SMOC2: variants seen among roughly 807,000 people sequenced by gnomAD.
The protein encoded by SMOC2 is SPARC related modular calcium binding 2.
A neutral mutation model predicts 61.4 loss-of-function variants in SMOC2; 39 were observed. The observed-to-expected ratio is 0.64, with a 90% CI of 0.49 to 0.83. The LOEUF is 0.83. SMOC2 is among the 40% of genes least tolerant of loss of function. The pLI is 0.00. For missense variants in SMOC2, 556 were observed against 592.9 expected, an observed-to-expected ratio of 0.94 and a Z score of 0.65; for synonymous variants, 247 against 239.9, an observed-to-expected ratio of 1.03 and a Z score of -0.27.
intron 8 of SMOC2, among the ~76,000 whole-genome samples, chr6:168,605,605 G>A (rs1785666383): frequency 6.6e-6 from 1 of 152,116 alleles, no homozygotes; most frequent in Non-Finnish European, 1.5e-5. Context: ...GATAGGATTT[G>A]CAACATACCT....
intron 9 of SMOC2, among the ~76,000 whole-genome samples, chr6:168,611,172 G>A (rs906780104): frequency 2.6e-5 from 4 of 152,236 alleles, no homozygotes; most frequent in African/African-American, 4.8e-5. Context: ...TCCTGTGTCG[G>A]GGCCGTGGTG....
At chr6:168,448,432 G>T (rs1264799801) in intron 1 of SMOC2, among the ~76,000 whole-genome samples, 1 of 148,804 alleles carries the variant, frequency 6.7e-6, no homozygotes, top group Non-Finnish European at 1.5e-5. Context: ...GGACGATGAT[G>T]GGGAGAAGGA....
intron 9 of SMOC2, among the ~76,000 whole-genome samples, chr6:168,627,805 T>G (rs957112825): frequency 4.6e-5 from 7 of 152,216 alleles, no homozygotes; most frequent in African/African-American, 1.7e-4. Context: ...CCTTTCAAAC[T>G]GTGCCTCCAC....
At chr6:168,581,054 C>T (rs1288146675) in intron 7 of SMOC2, among the ~76,000 whole-genome samples, 2 of 152,098 alleles carry the variant, frequency 1.3e-5, no homozygotes, top group Non-Finnish European at 2.9e-5. Flanking sequence ...CCTCTGATTC[C>T]CCCCTGGTTT....
chr6:168,535,984 G>A lies in SMOC2; in HGVS notation c.464-7641G>A, dbSNP rs921837588. ...AGCTTCACGGCACAGGGGCCCGGCC[G>A]TTCTCTCTGGATTCTGGCTCGAATT... On this transcript the variant is annotated intron_variant, in intron 4 of 12. Coordinates refer to ENST00000356284, the MANE Select transcript of SMOC2 (RefSeq NM_001166412.2). This position sits in a 1 kb window ranked among gnomAD's most constrained non-coding sequence, Gnocchi z 4.6. 1.3e-5 allele frequency among the ~76,000 whole-genome samples: 2 copies of A among 152,220 alleles called. No individual in the cohort carries two copies. Among genetic ancestry groups the A allele is most frequent in the Non-Finnish European group, 2.9e-5 (2 of 68,046 alleles).
At chr6:168,580,295 G>A (rs1439088702) in intron 7 of SMOC2, among the ~76,000 whole-genome samples, 1 of 152,182 alleles carries the variant, frequency 6.6e-6, no homozygotes, top group African/African-American at 2.4e-5. Flanking sequence ...CTGTTTTTTA[G>A]AACATACATT....
At chr6:168,625,821 A>T (rs1003585803) in intron 9 of SMOC2, among the ~76,000 whole-genome samples, 3 of 152,216 alleles carry the variant, frequency 2.0e-5, no homozygotes, top group Non-Finnish European at 4.4e-5. Flanking sequence ...CCGCTGAGCC[A>T]GGAAGGCCGG....
intron 7 of SMOC2, among the ~76,000 whole-genome samples, chr6:168,598,366 C>G (rs1188421236): frequency 6.6e-6 from 1 of 152,204 alleles, no homozygotes. Context: ...GGAGTCTAAA[C>G]ACGACCTTGC....
chr6:168,632,831 T>G (rs1395121628), intron 9 of SMOC2, among the ~76,000 whole-genome samples: 1 of 152,238 alleles, frequency 6.6e-6, no homozygotes, highest in East Asian at 1.9e-4. Context: ...CCCATCCTTT[T>G]GATGCCTTTT....
Position 168,527,668 on chromosome 6 carries a change from C to T in SMOC2, c.404C>T (p.Thr135Met), listed in dbSNP as rs756749965. ...TACACGGGATACTGCTGGTGCGTCA[C>T]GCCCAACGGGAGGCCCATCAGCGGC... ...HSYTGYCWCV[T>M]PNGRPISGTA... The change falls in exon 4 of 13, where the codon ACG (threonine) becomes ATG (methionine). Residue 135 changes from threonine to methionine, a missense_variant. Thr to Met is a moderately conservative substitution (Grantham distance 81). Transcript: ENST00000356284. 1.1e-5 allele frequency: 17 copies of T among 1,552,570 alleles called. No individual in the cohort carries two copies. Among genetic ancestry groups the T allele is most frequent in the South Asian group, 3.6e-5 (3 of 84,164 alleles).
chr6:168,497,646 C>T (rs1293431663), intron 1 of SMOC2, among the ~76,000 whole-genome samples: 1 of 152,160 alleles, frequency 6.6e-6, no homozygotes, highest in Non-Finnish European at 1.5e-5. Context: ...ATTCATGGGA[C>T]CAATCCCCGT....
intron 1 of SMOC2, among the ~76,000 whole-genome samples, chr6:168,501,054 A>C (rs1782716430): frequency 6.6e-6 from 1 of 152,176 alleles, no homozygotes; most frequent in African/African-American, 2.4e-5. Flanking sequence ...TGTGCCTCTA[A>C]ACACTTCTGA....
At chr6:168,494,803 A>C (rs1207067462) in intron 1 of SMOC2, among the ~76,000 whole-genome samples, 1 of 152,168 alleles carries the variant, frequency 6.6e-6, no homozygotes, top group Non-Finnish European at 1.5e-5. Context: ...GGTGGCTGGG[A>C]AGGGCGGGCA....
At chr6:168,491,371 A>G (rs1245779365) in intron 1 of SMOC2, among the ~76,000 whole-genome samples, 1 of 152,202 alleles carries the variant, frequency 6.6e-6, no homozygotes, top group African/African-American at 2.4e-5. Flanking sequence ...CATCCGAATC[A>G]TGGGATGAGA....
chr6:168,472,064 T>C (rs1452252146), intron 1 of SMOC2, among the ~76,000 whole-genome samples: 1 of 152,256 alleles, frequency 6.6e-6, no homozygotes, highest in Non-Finnish European at 1.5e-5. Context: ...CAGTCCAGTT[T>C]ATCCATTTTT....
intron 1 of SMOC2, among the ~76,000 whole-genome samples, chr6:168,459,270 C>T (rs781690154): frequency 7.2e-5 from 11 of 152,162 alleles, no homozygotes; most frequent in Non-Finnish European, 1.2e-4. Flanking sequence ...TCGTGCTGTG[C>T]AAGCGTCTAG....
intron 7 of SMOC2, among the ~76,000 whole-genome samples, chr6:168,578,032 T>C (rs2115153751): frequency 1.3e-5 from 2 of 152,332 alleles, no homozygotes; most frequent in Admixed American, 1.3e-4. Context: ...GGAAGTCACC[T>C]CACTCTCCTA....
At chr6:168,529,931 C>T (rs866190057) in intron 4 of SMOC2, among the ~76,000 whole-genome samples, 7 of 152,286 alleles carry the variant, frequency 4.6e-5, no homozygotes, top group Middle Eastern at 3.4e-3. Context: ...TGGGGGTTCA[C>T]GGAGAAGTCA....
chr6:168,600,423 AAAAAAAAAAAC>A (rs548448569), intron 8 of SMOC2, among the ~76,000 whole-genome samples: 33,727 of 76,160 alleles, frequency 0.44, 9,253 homozygotes, highest in Middle Eastern at 0.51. Context: ...AAAAAAAAAC[AAAAAAAAAAAC>A]AAAAAAAAAA....
Sources: allele counts gnomAD v4.1 joint callset (sites outside exome capture counted in the v4.1 genomes callset), GRCh38; gene constraint gnomAD v4.1.1; non-coding constraint Gnocchi (gnomAD v3.1); transcripts MANE v1.5; gene names NCBI Gene and HGNC (gene_info 2026-07-23, HGNC 2026-07-21).